Variants in LOC400499 observed in about 807,000 individuals in gnomAD.
At chr16:11,460,516 G>A in the LOC400499 span, 32 of 1,534,058 alleles carry the variant, frequency 2.1e-5, no homozygotes, top group South Asian at 7.2e-5. Context: ...AGTGGAGCTC[G>A]TGGCGCAGCT....
chr16:11,425,512 T>G, the LOC400499 span: 2 of 398,268 alleles, frequency 5.0e-6, no homozygotes, highest in African/African-American at 2.1e-5. Context: ...GAAAAGAATT[T>G]GGGGGTAAGA....
At chr16:11,383,914 T>TG in the LOC400499 span, 2 of 1,231,748 alleles carry the variant, frequency 1.6e-6, no homozygotes, top group Non-Finnish European at 2.0e-6. Flanking sequence ...CAAGCTGGAG[T>TG]GGGGGCCCTC....
the LOC400499 span, chr16:11,390,015 G>A: frequency 2.4e-6 from 2 of 836,234 alleles, no homozygotes; most frequent in Non-Finnish European, 3.2e-6. Flanking sequence ...GGTCACAGGA[G>A]TCAGTGTGTC....
At chr16:11,491,982 G>A in the LOC400499 span, 9 of 394,054 alleles carry the variant, frequency 2.3e-5, no homozygotes, top group Non-Finnish European at 4.0e-5. Flanking sequence ...AGGCTTCCCC[G>A]ACACACACTC....
At chr16:11,393,322 C>CT in the LOC400499 span, 6 of 1,188,800 alleles carry the variant, frequency 5.0e-6, no homozygotes, top group Middle Eastern at 3.2e-4. Flanking sequence ...ACGCCCAGAC[C>CT]CCCGTCCTTT....
At chr16:11,404,380 A>T in the LOC400499 span, among the ~76,000 whole-genome samples, 6 of 151,514 alleles carry the variant, frequency 4.0e-5, no homozygotes, top group Non-Finnish European at 7.4e-5. Flanking sequence ...ACCGAGTCTC[A>T]CTCTCGCTCA....
At chr16:11,411,353 G>A in the LOC400499 span, 5 of 399,146 alleles carry the variant, frequency 1.3e-5, no homozygotes, top group African/African-American at 8.2e-5. Flanking sequence ...GAGAAGGCCT[G>A]AAGCTGGCAA....
chr16:11,383,608 C>T, the LOC400499 span: 86 of 1,232,238 alleles, frequency 7.0e-5, no homozygotes, highest in Admixed American at 3.4e-4. Context: ...AGATGCCAGA[C>T]GGGGCAGAGT....
At chr16:11,446,970 C>T in the LOC400499 span, 1 of 1,489,318 alleles carries the variant, frequency 6.7e-7, no homozygotes, top group East Asian at 2.5e-5. Flanking sequence ...TGCCAGGGGA[C>T]AATTGTGCCC....
the LOC400499 span, among the ~76,000 whole-genome samples, chr16:11,414,106 C>A: frequency 7.2e-5 from 11 of 152,300 alleles, no homozygotes; most frequent in South Asian, 2.3e-3. Context: ...AGGGCAGGAG[C>A]CAGACGAGGC....
At chr16:11,487,313 G>A in the LOC400499 span, 3 of 399,260 alleles carry the variant, frequency 7.5e-6, no homozygotes, top group Non-Finnish European at 1.3e-5. Flanking sequence ...GGTTGACTGT[G>A]GCAGAACGGG....
At chr16:11,372,088 A>G in the LOC400499 span, 1 of 152,222 alleles carries the variant, frequency 6.6e-6, no homozygotes, top group Admixed American at 6.5e-5. Context: ...AAAGTAAAAC[A>G]CTTCCAATGA....
the LOC400499 span, among the ~76,000 whole-genome samples, chr16:11,505,440 CTTTTCTTTTTTT>C: frequency 9.3e-5 from 7 of 75,304 alleles, no homozygotes; most frequent in Admixed American, 5.4e-4. Context: ...TTTAATTTTT[CTTTTCTTTTTTT>C]TTTTTTTTTT....
the LOC400499 span, among the ~76,000 whole-genome samples, chr16:11,527,100 TTTAC>T: frequency 6.6e-6 from 1 of 152,152 alleles, no homozygotes; most frequent in Non-Finnish European, 1.5e-5. Context: ...GCGCAGCAGT[TTTAC>T]TTACTCTCCG....
At chr16:11,460,376 G>T in the LOC400499 span, 32 of 1,332,852 alleles carry the variant, frequency 2.4e-5, no homozygotes, top group Admixed American at 2.8e-5. Context: ...ATGTGATTGT[G>T]AGCAAGTCCA....
chr16:11,469,463 C>T, the LOC400499 span: 2 of 398,966 alleles, frequency 5.0e-6, no homozygotes, highest in Non-Finnish European at 8.8e-6. Flanking sequence ...CCGGGTGTGG[C>T]ACCGAGTGAG....
At chr16:11,446,650 C>T in the LOC400499 span, 11 of 1,535,902 alleles carry the variant, frequency 7.2e-6, no homozygotes, top group Non-Finnish European at 9.6e-6. Context: ...GGAGGGACAA[C>T]CACATACATG....
chr16:11,481,014 G>C, the LOC400499 span, among the ~76,000 whole-genome samples: 11 of 152,328 alleles, frequency 7.2e-5, no homozygotes, highest in African/African-American at 2.4e-4. Flanking sequence ...AATATGACTT[G>C]ACCTTAGTTA....
At chr16:11,392,465 G>T in the LOC400499 span, 4 of 398,938 alleles carry the variant, frequency 1.0e-5, no homozygotes, top group Non-Finnish European at 1.8e-5. Context: ...CCGCCCATGG[G>T]CACATGCCCG....
Sources: gnomAD v4.1 joint callset for allele counts (sites outside exome capture counted in the v4.1 genomes callset) on GRCh38, gnomAD v4.1.1 for gene constraint, MANE v1.5 for transcripts.